NKAIN3: variants seen among roughly 807,000 people sequenced by gnomAD.
NKAIN3 encodes sodium/potassium-transporting ATPase subunit beta-1-interacting protein 3.
A neutral mutation model predicts 30.2 loss-of-function variants in NKAIN3; 25 were observed. The observed-to-expected ratio is 0.83, with a 90% confidence interval of 0.60 to 1.16. The LOEUF (loss-of-function observed/expected upper bound fraction) is 1.16, where lower values mean the gene tolerates loss of function less well. NKAIN3 is among the 50% of genes most tolerant of loss of function. NKAIN3 has a pLI of 0.00. For missense variants in NKAIN3, 225 were observed against 254.1 expected (o/e 0.89, Z 0.78); for synonymous variants, 91 against 89.6 (o/e 1.02, Z -0.09).
intron 3 of NKAIN3, among the ~76,000 whole-genome samples, chr8:62,690,429 G>A (rs1813929900): frequency 6.6e-6 from 1 of 152,230 alleles, no homozygotes; most frequent in African/African-American, 2.4e-5. Flanking sequence ...ACATGTGATT[G>A]TTCTCACTGT....
At chr8:62,606,311 C>T (rs943032486) in intron 3 of NKAIN3, among the ~76,000 whole-genome samples, 7 of 151,854 alleles carry the variant, frequency 4.6e-5, no homozygotes, top group South Asian at 2.1e-4. Context: ...AGGCACAGTT[C>T]GGGAAAAAAT....
chr8:62,373,202 G>C (rs1041132431), intron 1 of NKAIN3, among the ~76,000 whole-genome samples: 3 of 152,024 alleles, frequency 2.0e-5, no homozygotes, highest in Admixed American at 1.3e-4. Context: ...ATAAATAGAG[G>C]TTACTCTAAA....
At chr8:62,931,346 G>A (rs778443762) in intron 5 of NKAIN3, among the ~76,000 whole-genome samples, 44 of 152,074 alleles carry the variant, frequency 2.9e-4, no homozygotes, top group Non-Finnish European at 5.4e-4. Flanking sequence ...GTTTCAGTGG[G>A]TTAATCTAAC....
intron 1 of NKAIN3, among the ~76,000 whole-genome samples, chr8:62,277,373 G>A (rs1482040881): frequency 6.6e-6 from 1 of 152,044 alleles, no homozygotes; most frequent in African/African-American, 2.4e-5. Flanking sequence ...TAGAATTGTG[G>A]GGATGTGTAG....
chr8:62,328,557 C>T (rs918507286), intron 1 of NKAIN3, among the ~76,000 whole-genome samples: 1 of 151,976 alleles, frequency 6.6e-6, no homozygotes, highest in Non-Finnish European at 1.5e-5. Flanking sequence ...AAGACAGAAC[C>T]ATATGCCACT....
intron 1 of NKAIN3, among the ~76,000 whole-genome samples, chr8:62,355,047 C>T (rs1816303137): frequency 6.6e-6 from 1 of 152,126 alleles, no homozygotes; most frequent in Admixed American, 6.5e-5. Context: ...TTCCAAACAC[C>T]TTCAAAAACT....
intron 1 of NKAIN3, chr8:62,482,280 T>TTTAAGTG (rs1173593429): frequency 6.6e-6 from 1 of 152,140 alleles, no homozygotes. Context: ...CTGAGTAAGC[T>TTTAAGTG]TTAAGTGGAG....
rs1460687927 is a variant in NKAIN3 at position 62,884,019 on chromosome 8, T to A, written c.472-34434T>A. Among the ~76,000 whole-genome samples the A allele has an allele frequency of 3.3e-5, 5 of 152,200 alleles. No individual in the cohort carries two copies. In the East Asian group the frequency reaches 9.6e-4, roughly 29 times the overall value. On this transcript the variant is annotated intron_variant, in intron 4 of 6. Transcript: ENST00000623646. ...TGTGATGAATTACATTAGTTGATATTAGAAAAGTAAATTAGCCTTCTATAA... is the reference window on the plus strand; with the variant it reads ...TGTGATGAATTACATTAGTTGATATAAGAAAAGTAAATTAGCCTTCTATAA...
At chr8:62,812,482 T>G (rs1214793768) in intron 4 of NKAIN3, among the ~76,000 whole-genome samples, 1 of 151,760 alleles carries the variant, frequency 6.6e-6, no homozygotes, top group Non-Finnish European at 1.5e-5. Flanking sequence ...TGATGTCTCT[T>G]TACTAATTTA....
At chr8:62,350,293 GA>G (rs1290633154) in intron 1 of NKAIN3, among the ~76,000 whole-genome samples, 3 of 152,120 alleles carry the variant, frequency 2.0e-5, no homozygotes, top group Admixed American at 6.6e-5. Flanking sequence ...CCTTAAAAAG[GA>G]ATGTAATTTC....
At chr8:62,827,791 T>TAACATTAAGA (rs1253339350) in intron 4 of NKAIN3, among the ~76,000 whole-genome samples, 3 of 152,198 alleles carry the variant, frequency 2.0e-5, no homozygotes, top group African/African-American at 7.2e-5. Flanking sequence ...TTCTAATAAT[T>TAACATTAAGA]AACATTAAGA....
chr8:62,938,782 A>G (rs900409144), intron 5 of NKAIN3, among the ~76,000 whole-genome samples: 2 of 152,234 alleles, frequency 1.3e-5, no homozygotes, highest in African/African-American at 2.4e-5. Context: ...TCCCTCTGAC[A>G]TAGTCTACCC....
intron 3 of NKAIN3, among the ~76,000 whole-genome samples, chr8:62,667,442 A>G (rs946273157): frequency 2.7e-5 from 4 of 149,326 alleles, no homozygotes; most frequent in Admixed American, 1.3e-4. Flanking sequence ...ATGAGGACCA[A>G]CCCACAGATG....
chr8:62,572,611 A>C (rs1244435910), intron 1 of NKAIN3, among the ~76,000 whole-genome samples: 1 of 152,192 alleles, frequency 6.6e-6, no homozygotes, highest in Admixed American at 6.6e-5. Flanking sequence ...GGTTTATTGG[A>C]TTTATAGTTC....
intron 4 of NKAIN3, among the ~76,000 whole-genome samples, chr8:62,886,513 G>C (rs937606735): frequency 6.6e-6 from 1 of 151,800 alleles, no homozygotes; most frequent in Non-Finnish European, 1.5e-5. Flanking sequence ...TTACTTTACA[G>C]CTCTCTAAAG....
At chr8:62,628,116 T>A (rs960928849) in intron 3 of NKAIN3, among the ~76,000 whole-genome samples, 2 of 152,090 alleles carry the variant, frequency 1.3e-5, no homozygotes, top group African/African-American at 4.8e-5. Context: ...ATTACACTGC[T>A]TCACAGAGTG....
chr8:62,990,042 T>C, intron 5 of NKAIN3: 1 of 561,236 alleles, frequency 1.8e-6, no homozygotes, highest in Non-Finnish European at 3.2e-6. Flanking sequence ...ATGTTTAGAC[T>C]TGATTTCAGG....
At chr8:62,666,613 A>G (rs1027519181) in intron 3 of NKAIN3, among the ~76,000 whole-genome samples, 14 of 152,194 alleles carry the variant, frequency 9.2e-5, no homozygotes, top group African/African-American at 2.6e-4. Flanking sequence ...TTTTGTATGT[A>G]TAATTATTTA....
intron 3 of NKAIN3, among the ~76,000 whole-genome samples, chr8:62,725,856 G>T (rs1429075263): frequency 1.3e-5 from 2 of 151,856 alleles, no homozygotes; most frequent in Non-Finnish European, 2.9e-5. Flanking sequence ...TACATTTTAG[G>T]ATTTTTTTTC....
Sources: gnomAD v4.1 joint callset for allele counts (sites outside exome capture counted in the v4.1 genomes callset) on GRCh38, gnomAD v4.1.1 for gene constraint, MANE v1.5 for transcripts, NCBI Gene and HGNC (gene_info 2026-07-23, HGNC 2026-07-21) for gene names.